CDH12: variants seen among roughly 807,000 people sequenced by gnomAD.
CDH12 encodes the protein cadherin 12.
CDH12 carries 41 observed loss-of-function variants against 74.1 expected under a neutral mutation model. The ratio of observed to expected loss-of-function variants is 0.55; its 90% CI spans 0.43 to 0.72. The LOEUF (loss-of-function observed/expected upper bound fraction) is 0.72. Among genes scored for constraint, CDH12 ranks in the 30% least tolerant of loss-of-function variants. The pLI, the probability that CDH12 is intolerant of heterozygous loss-of-function variation, is 0.00. For missense variants in CDH12, 945 were observed against 977.2 expected (o/e 0.97, Z 0.44); for synonymous variants, 399 against 355.0 (o/e 1.12, Z -1.39).
Position 21,802,423 on chromosome 5 carries a change from G to T in CDH12, c.1003-3C>A. 1 of 1,610,772 alleles carries T rather than the reference G, an allele frequency of 6.2e-7. No individual in the cohort carries two copies. The highest frequency in any genetic ancestry group is 8.5e-7 in the Non-Finnish European group (1 of 1,177,220). On this transcript the variant is annotated splice_region_variant and splice_polypyrimidine_tract_variant and intron_variant, in intron 9 of 14. Transcript: ENST00000382254. ...TTCTTTGTTTCAAAATCTAAAGGCT[G>T]TAGTGAGGACAAATTAAGAATAAGG...
intron 5 of CDH12, among the ~76,000 whole-genome samples, chr5:21,996,181 T>G (rs924352936): frequency 6.7e-6 from 1 of 150,068 alleles, no homozygotes; most frequent in African/African-American, 2.4e-5. Flanking sequence ...ACTAGAACTA[T>G]TTCTACTACG....
chr5:22,461,470 G>C (rs1182143354), intron 2 of CDH12, among the ~76,000 whole-genome samples: 1 of 145,188 alleles, frequency 6.9e-6, no homozygotes, highest in Non-Finnish European at 1.5e-5. Flanking sequence ...GTTATCTATA[G>C]TTAAAAAAAA....
intron 1 of CDH12, among the ~76,000 whole-genome samples, chr5:22,832,941 A>T (rs1326521586): frequency 2.0e-5 from 3 of 152,200 alleles, no homozygotes; most frequent in Non-Finnish European, 4.4e-5. Flanking sequence ...TTAAATTTTT[A>T]AAATGAGCAT....
At chr5:22,239,454 C>T (rs1580436474) in intron 3 of CDH12, among the ~76,000 whole-genome samples, 1 of 151,922 alleles carries the variant, frequency 6.6e-6, no homozygotes, top group African/African-American at 2.4e-5. Flanking sequence ...AGACTTGATG[C>T]TAAGCAGTAT....
At position 22,089,297 on chromosome 5, in the gene CDH12, T is replaced by A. The variant is rs116005848; in HGVS notation, c.-186-10435A>T. 8.5e-3 allele frequency among the ~76,000 whole-genome samples: 1,297 copies of A among 152,190 alleles called. 13 individuals carry two copies. Among genetic ancestry groups the A allele is most frequent in the African/African-American group, 0.03 (1,249 of 41,520 alleles). On this transcript the variant is annotated intron_variant, in intron 4 of 14. Coordinates refer to ENST00000382254, the MANE Select transcript of CDH12 (RefSeq NM_004061.5). ...CTGTTAGAATATAGTATTTATAAAG[T>A]CAATTTTCCACAATGTTAAGACATG...
intron 5 of CDH12, among the ~76,000 whole-genome samples, chr5:22,010,254 T>C (rs1737223819): frequency 1.3e-5 from 2 of 152,202 alleles, no homozygotes; most frequent in African/African-American, 4.8e-5. Flanking sequence ...AACTAATTAA[T>C]GGATTGTAAA....
intron 1 of CDH12, among the ~76,000 whole-genome samples, chr5:22,845,947 T>G (rs1461818344): frequency 1.3e-5 from 2 of 152,120 alleles, no homozygotes. Context: ...GAGACAATAG[T>G]GTCTGGAGCG....
At position 22,588,270 on chromosome 5, in the gene CDH12, A is replaced by T. The variant is rs542539101; in HGVS notation, c.-522-82906T>A. On this transcript the variant is annotated intron_variant, in intron 1 of 14. Coordinates refer to ENST00000382254, the MANE Select transcript of CDH12 (RefSeq NM_004061.5). ...AAAAATTAACAAATCTAAATCACAT[A>T]CTAAATATCATGTTAAAGCACAGGA... Among the ~76,000 whole-genome samples, 16 of 152,278 alleles carry T rather than the reference A, an allele frequency of 1.1e-4. 1 individual carries two copies. In the South Asian group the frequency reaches 3.3e-3, roughly 32 times the overall value.
chr5:21,783,542 T>G (rs768768504), intron 10 of CDH12, 48 bp from the exon 11 acceptor site: 1 of 1,427,864 alleles, frequency 7.0e-7, no homozygotes, highest in Non-Finnish European at 9.8e-7. Context: ...TACACATTAA[T>G]CATAATGGCA....
At position 22,327,823 on chromosome 5, in the gene CDH12, T is replaced by C. The variant is rs115588859; in HGVS notation, c.-333+77434A>G. Among the ~76,000 whole-genome samples the C allele has an allele frequency of 8.4e-4, 128 of 152,240 alleles. No homozygotes were observed. In the South Asian group the frequency reaches 8.7e-3, roughly 10 times the overall value. ...TTTAAAAATCTTCGCTTAAACAAAA[T>C]TACCTTGTCCTTTGATCTCCCCATG... is the stretch of plus-strand genomic sequence containing the variant. On this transcript the variant is annotated intron_variant, in intron 3 of 14. Transcript: ENST00000382254.
intron 6 of CDH12, chr5:21,883,683 G>T (rs1038452266): frequency 3.7e-6 from 6 of 1,611,742 alleles, no homozygotes; most frequent in Non-Finnish European, 5.1e-6. Context: ...AGGTGACAAG[G>T]CTCAACTTGA....
At chr5:21,785,307 C>T (rs1746141158) in intron 10 of CDH12, among the ~76,000 whole-genome samples, 1 of 152,166 alleles carries the variant, frequency 6.6e-6, no homozygotes. Context: ...TGAGACACAA[C>T]AATATCGAAA....
chr5:22,768,428 G>T (rs1474213386), intron 1 of CDH12, among the ~76,000 whole-genome samples: 5 of 152,048 alleles, frequency 3.3e-5, no homozygotes, highest in Admixed American at 1.3e-4. Flanking sequence ...AATTTTGAAA[G>T]AATTGAAAAC....
At chr5:22,061,305 G>A (rs777397370) in intron 5 of CDH12, among the ~76,000 whole-genome samples, 14 of 152,086 alleles carry the variant, frequency 9.2e-5, no homozygotes, top group Non-Finnish European at 1.5e-4. Context: ...GTCTTGCCTC[G>A]TGAACAATGA....
intron 6 of CDH12, among the ~76,000 whole-genome samples, chr5:21,921,605 T>C (rs1202003587): frequency 2.6e-5 from 4 of 152,162 alleles, no homozygotes; most frequent in African/African-American, 9.7e-5. Flanking sequence ...ACAGCAACGT[T>C]TACTGGAGTC....
intron 3 of CDH12, among the ~76,000 whole-genome samples, chr5:22,215,012 T>C (rs1751749358): frequency 6.6e-6 from 1 of 152,198 alleles, no homozygotes; most frequent in Non-Finnish European, 1.5e-5. Context: ...GAGACCGTAG[T>C]CACATGAAAA....
chr5:22,673,204 C>T (rs1740996271), intron 1 of CDH12, among the ~76,000 whole-genome samples: 1 of 152,094 alleles, frequency 6.6e-6, no homozygotes, highest in African/African-American at 2.4e-5. Context: ...TTTTTAAGAA[C>T]ATTTCATAGA....
At chr5:22,633,445 C>T (rs1345465597) in intron 1 of CDH12, among the ~76,000 whole-genome samples, 1 of 152,104 alleles carries the variant, frequency 6.6e-6, no homozygotes, top group Non-Finnish European at 1.5e-5. Flanking sequence ...TATATGTCAA[C>T]TTTACTGGGT....
chr5:22,372,828 G>A (rs1292030743), intron 3 of CDH12, among the ~76,000 whole-genome samples: 1 of 152,160 alleles, frequency 6.6e-6, no homozygotes, highest in Non-Finnish European at 1.5e-5. Context: ...TACTTCTGCT[G>A]CTGCAGGAGT....
Sources: allele counts gnomAD v4.1 joint callset (sites outside exome capture counted in the v4.1 genomes callset), GRCh38; gene constraint gnomAD v4.1.1; transcripts MANE v1.5; gene names NCBI Gene and HGNC (gene_info 2026-07-23, HGNC 2026-07-21).